TTC5: variants seen among roughly 807,000 people sequenced by gnomAD.
TTC5 encodes tetratricopeptide repeat domain 5, also known as tetratricopeptide repeat protein 5.
TTC5 carries 46 observed loss-of-function variants against 57.4 expected under a neutral mutation model. That is an observed-to-expected ratio of 0.80 (90% CI 0.63 to 1.03). The LOEUF (loss-of-function observed/expected upper bound fraction) is 1.03, where lower values mean the gene tolerates loss of function less well. Ranked by LOEUF, TTC5 falls within the 50% of genes least tolerant of loss-of-function variation. The probability of loss-of-function intolerance (pLI) is 0.00; values close to 1 mark genes in which losing one functional copy is unlikely to be tolerated. For synonymous variants in TTC5, 190 were observed against 203.5 expected, an observed-to-expected ratio of 0.93 and a Z score of 0.57; for missense variants, 504 against 528.1, an observed-to-expected ratio of 0.95 and a Z score of 0.45.
At chr14:20,289,872 T>G in intron 9 of TTC5, 126 bp from the exon 10 acceptor site, 1 of 1,037,200 alleles carries the variant, frequency 9.6e-7, no homozygotes, top group Non-Finnish European at 1.3e-6. Flanking sequence ...TACTTCCATC[T>G]CACATCAGAC....
intron 8 of TTC5, chr14:20,294,454 T>C (rs376834961): frequency 4.6e-5 from 7 of 152,172 alleles, no homozygotes; most frequent in Non-Finnish European, 1.0e-4. Flanking sequence ...CCCTAGAAAA[T>C]GCCATGGAGA....
chr14:20,298,188 T>C (rs1594265018), intron 5 of TTC5, among the ~76,000 whole-genome samples: 1 of 152,080 alleles, frequency 6.6e-6, no homozygotes, highest in Non-Finnish European at 1.5e-5. Flanking sequence ...ATTCTAATAA[T>C]GAGAAAAAAG....
intron 7 of TTC5, 25 bp downstream of exon 7, chr14:20,295,682 GA>G (rs1566390093): frequency 2.5e-6 from 4 of 1,569,704 alleles, no homozygotes; most frequent in Non-Finnish European, 2.6e-6. Context: ...AAAAAAAGTG[GA>G]ATTCAGCCCT....
At chr14:20,297,995 G>C (rs1882101702) in intron 5 of TTC5, among the ~76,000 whole-genome samples, 1 of 152,120 alleles carries the variant, frequency 6.6e-6, no homozygotes, top group African/African-American at 2.4e-5. Context: ...CAATTTAAAA[G>C]GGCAGTCCCT....
At chr14:20,296,593 A>G (rs760694394) in intron 5 of TTC5, 147 bp from the exon 6 acceptor site, 286 of 683,016 alleles carry the variant, frequency 4.2e-4, no homozygotes, top group Non-Finnish European at 6.7e-4. Context: ...CAGTTACCGT[A>G]TAACAGTGTG....
chr14:20,296,550 T>C (rs1334561669), intron 5 of TTC5, 104 bp from the exon 6 acceptor site: 2 of 936,860 alleles, frequency 2.1e-6, no homozygotes, highest in East Asian at 2.4e-5. Context: ...TGGAAGTTTC[T>C]TCCTTGCCAA....
At chr14:20,294,747 A>C (rs1489577477) in intron 8 of TTC5, 1 of 152,404 alleles carries the variant, frequency 6.6e-6, no homozygotes, top group Non-Finnish European at 1.5e-5. Context: ...TTTTCTAAAC[A>C]AATATTCTTA....
At chr14:20,301,574 AG>A (rs1882191427) in intron 2 of TTC5, among the ~76,000 whole-genome samples, 1 of 152,222 alleles carries the variant, frequency 6.6e-6, no homozygotes, top group Non-Finnish European at 1.5e-5. Context: ...TGAAAGTAAA[AG>A]AAATTAGAGG....
In TTC5 at chr14:20,295,692, C is replaced by T. The variant is rs372431515; in HGVS notation, c.843+16G>A. On this transcript the variant is annotated intron_variant, in intron 7 of 9. Transcript: ENST00000258821. The stretch of plus-strand genomic sequence containing the variant: ...AAAAAAAAAAAAGTGGAATTCAGCC[C>T]TTCAGACATTTTTACCTTACTCTCA... 1.3e-5 allele frequency: 20 copies of T among 1,581,136 alleles called. No homozygotes were observed. The African/African-American group carries it at 2.6e-4, about 21-fold the overall frequency.
At position 20,299,440 on chromosome 14, in the gene TTC5, G is replaced by C; in HGVS notation, c.405C>G (p.Asn135Lys). 2.5e-6 allele frequency: 4 copies of C among 1,613,770 alleles called. No individual in the cohort carries two copies. The highest frequency in any genetic ancestry group is 3.3e-4 in the Middle Eastern group (2 of 6,062). Residue 135 changes from asparagine (N) to lysine (K), a missense_variant, in exon 4 of 10, where the codon AAC becomes AAG. Physicochemically the swap from Asn to Lys is moderately conservative, Grantham distance 94 (BLOSUM62 0). Transcript: ENST00000258821. The stretch of plus-strand genomic sequence containing the variant: ...TTGACAGGTTTTGCAAGGAGACTTT[G>C]TTCCTGCACTGCAAATAGGAAGGGC... ...CFSGALTHCR[N>K]KVSLQNLSMV...
chr14:20,290,476 A>G (rs953643685), intron 9 of TTC5, among the ~76,000 whole-genome samples: 13 of 152,358 alleles, frequency 8.5e-5, no homozygotes, highest in African/African-American at 2.9e-4. Context: ...AGAAATATAA[A>G]TTAATATTCA....
In TTC5 at chr14:20,288,408, A is replaced by G. The variant is rs1265106297; in HGVS notation, c.*1219T>C. On this transcript the variant is annotated 3_prime_UTR_variant, in exon 10 of 10. Transcript: ENST00000258821. ...ATTCATCTGTATACATTAATGTATT[A>G]CAGCCATTCAGTTGTTGTTGCTGTT... The G allele has an allele frequency of 6.6e-6, 1 of 152,284 alleles. No homozygotes were observed. Among genetic ancestry groups the G allele is most frequent in the African/African-American group, 2.4e-5 (1 of 41,468 alleles). The allele number at this position is 152,284 out of a possible 1,614,324, so 9.4% of individuals were successfully genotyped here. A position where few individuals can be genotyped will look rare whatever the true frequency, so the allele number is the denominator to read the frequency against.
At position 20,286,750 on chromosome 14, in the gene TTC5, A is replaced by G. The variant is rs950579600; in HGVS notation, c.*2877T>C. The G allele has an allele frequency of 3.9e-5, 6 of 151,922 alleles. No homozygotes were observed. The highest frequency in any genetic ancestry group is 3.9e-4 in the Admixed American group (6 of 15,228). 9.4% of individuals were successfully genotyped at this position (151,922 alleles called of 1,614,324 possible). On this transcript the variant is annotated 3_prime_UTR_variant, in exon 10 of 10. Coordinates refer to ENST00000258821, the MANE Select transcript of TTC5 (RefSeq NM_138376.3). ...TCAGCAAAAGACCCAATAGAATAAA[A>G]AAAAAAACAGGATAAAACTGTATGT... is the stretch of plus-strand genomic sequence containing the variant.
chr14:20,292,157 GA>G lies in TTC5; in HGVS notation c.1059-31del, dbSNP rs778557201. ...CAAGTAAAGACAGATTAGGAGAGAG[GA>G]AAACAAAAAGGTATGTGGGTAGGAA... On this transcript the variant is annotated intron_variant, in intron 8 of 9. Transcript: ENST00000258821. 3.5e-6 allele frequency: 5 copies of G among 1,448,722 alleles called. No homozygotes were observed. In the African/African-American group the frequency reaches 5.8e-5, roughly 17 times the overall value. The allele number at this position is 1,448,722 out of a possible 1,614,324, so 89.7% of individuals were successfully genotyped here.
At chr14:20,299,254 C>T (rs751866693) in intron 4 of TTC5, 44 bp downstream of exon 4, 3 of 1,598,080 alleles carry the variant, frequency 1.9e-6, no homozygotes, top group Non-Finnish European at 2.6e-6. Context: ...TGATTGAAAA[C>T]ATCTGCTCTA....
Position 20,293,325 on chromosome 14 carries a change from A to G in TTC5, c.1059-1198T>C, listed in dbSNP as rs550732718. On this transcript the variant is annotated intron_variant, in intron 8 of 9. Transcript: ENST00000258821. ...TTGGGGGCAGAAGAGGATGTTAGCT[A>G]TGTCAAGAAGAAGCTAGAGATTATC... is the stretch of plus-strand genomic sequence containing the variant. 5.9e-5 allele frequency: 9 copies of G among 152,332 alleles called. No homozygotes were observed. In the East Asian group the frequency reaches 1.3e-3, roughly 23 times the overall value. The allele number at this position is 152,332 out of a possible 1,614,324, so 9.4% of individuals were successfully genotyped here. A position where few individuals can be genotyped will look rare whatever the true frequency, so the allele number is the denominator to read the frequency against.
intron 1 of TTC5, among the ~76,000 whole-genome samples, chr14:20,302,693 T>G (rs1417903054): frequency 1.3e-5 from 2 of 152,122 alleles, no homozygotes; most frequent in Non-Finnish European, 2.9e-5. Flanking sequence ...CTACTACAGG[T>G]CAAGCATCCC....
At chr14:20,293,115 A>G (rs1276891163) in intron 8 of TTC5, 1 of 152,254 alleles carries the variant, frequency 6.6e-6, no homozygotes, top group African/African-American at 2.4e-5. Context: ...TAATGACTGC[A>G]TGCTAAAGTA....
At chr14:20,301,615 G>A (rs1376956797) in intron 2 of TTC5, among the ~76,000 whole-genome samples, 3 of 152,330 alleles carry the variant, frequency 2.0e-5, no homozygotes, top group East Asian at 3.9e-4. Flanking sequence ...AATAGTTCAA[G>A]TAAGTATGCT....
Sources: allele counts gnomAD v4.1 joint callset (sites outside exome capture counted in the v4.1 genomes callset), GRCh38; gene constraint gnomAD v4.1.1; transcripts MANE v1.5; gene names NCBI Gene and HGNC (gene_info 2026-07-23, HGNC 2026-07-21).